CRNN: variants seen among roughly 807,000 people sequenced by gnomAD.
The protein encoded by CRNN is cornulin, also known as 53 kDa putative calcium-binding protein.
Under a neutral mutation model 44.7 loss-of-function variants are expected in CRNN, and 39 were observed. That is an observed-to-expected ratio of 0.87 (90% CI 0.68 to 1.14). CRNN has a LOEUF of 1.14. Ranked by LOEUF, CRNN falls within the 50% of genes most tolerant of loss-of-function variation. The pLI is 0.00. For missense variants in CRNN, 606 were observed against 605.1 expected (o/e 1.00, Z -0.02); for synonymous variants, 240 against 231.8 (o/e 1.04, Z -0.32).
chr1:152,411,947 C>CT lies in CRNN; in HGVS notation c.138+148dup, dbSNP rs756866886. 3.8e-4 allele frequency: 303 copies of CT among 796,240 alleles called. 1 individual carries two copies. The highest frequency in any genetic ancestry group is 3.1e-4 in the Non-Finnish European group (168 of 534,008). The allele number at this position is 796,240 out of a possible 1,614,324, so 49.3% of individuals were successfully genotyped here. ...CCATGACCATCTCTGGTTCTTTCAC[C>CT]TTTTTTTCTGCCTGCACAGCTGCCA... On this transcript the variant is annotated intron_variant, in intron 2 of 2. Coordinates refer to ENST00000271835, the MANE Select transcript of CRNN (RefSeq NM_016190.3).
rs1655725166 is a variant in CRNN, at chr1:152,410,595, A to G, written c.487T>C (p.Trp163Arg). 2.5e-6 allele frequency: 4 copies of G among 1,613,858 alleles called. No homozygotes were observed. Among genetic ancestry groups the G allele is most frequent in the Admixed American group, 3.3e-5 (2 of 59,990 alleles). The part of the protein sequence containing the change: ...QTQGQATGSA[W>R]VSSYDRQAES... The stretch of plus-strand genomic sequence containing the variant: ...GCTTGCCTGTCATAGCTGCTGACCC[A>G]CGCAGAGCCAGTGGCCTGACCCTGG... Residue 163 changes from tryptophan (W) to arginine (R), a missense_variant, in exon 3 of 3, where the codon TGG becomes CGG. Physicochemically the swap from Trp to Arg is moderately radical, Grantham distance 101. Transcript: ENST00000271835.
intron 2 of CRNN, among the ~76,000 whole-genome samples, chr1:152,411,648 T>TCTG (rs1297025307): frequency 6.6e-6 from 1 of 152,188 alleles, no homozygotes; most frequent in South Asian, 2.1e-4. Flanking sequence ...ATGTGATCAG[T>TCTG]CTGCTAATAT....
rs529044565 is a variant in CRNN at position 152,409,474 on chromosome 1, A to C, written c.*120T>G. On this transcript the variant is annotated 3_prime_UTR_variant, in exon 3 of 3. Transcript: ENST00000271835. ...ATTATCTCATTGAGAAAGACCTAAA[A>C]GGGAAGCTGCATAATGAAGAGCTGA... 2.4e-5 allele frequency: 36 copies of C among 1,490,636 alleles called. No individual in the cohort carries two copies. The African/African-American group carries it at 4.3e-4, about 18-fold the overall frequency. 92.3% of individuals were successfully genotyped at this position (1,490,636 alleles called of 1,614,324 possible).
In CRNN at chr1:152,409,597, T is replaced by C. The variant is rs1214587332; in HGVS notation, c.1485A>G (p.Pro495=). ...ELYSYLRSTK[P] ...CTGGACATTGGAGTCGGGGAAGTCA[T>C]GGCTTGGTGCTTCTCAAGTAGGAAT... Residue 495 remains proline, a synonymous_variant, in exon 3 of 3, where the codon CCA becomes CCG. Transcript: ENST00000271835. The C allele has an allele frequency of 1.2e-6, 2 of 1,607,118 alleles. No homozygotes were observed. The highest frequency in any genetic ancestry group is 2.2e-5 in the East Asian group (1 of 44,872).
In CRNN at chr1:152,409,385, G is replaced by T; in HGVS notation, c.*209C>A. On this transcript the variant is annotated 3_prime_UTR_variant, in exon 3 of 3. Coordinates refer to ENST00000271835, the MANE Select transcript of CRNN (RefSeq NM_016190.3). Reference sequence around the variant, plus strand: ...ACTTGCTCTGAGTCTTCCTGCTCCTGAGAGGGTCTGCACCGCAAAGCAGGT... The same window carrying T: ...ACTTGCTCTGAGTCTTCCTGCTCCTTAGAGGGTCTGCACCGCAAAGCAGGT... 1 of 844,492 alleles carries T rather than the reference G, an allele frequency of 1.2e-6. No homozygotes were observed. Among genetic ancestry groups the T allele is most frequent in the Non-Finnish European group, 1.8e-6 (1 of 569,126 alleles). The allele number at this position is 844,492 out of a possible 1,614,324, so 52.3% of individuals were successfully genotyped here. A position where few individuals can be genotyped will look rare whatever the true frequency, so the allele number is the denominator to read the frequency against.
At chr1:152,412,770 A>C (rs1246370497) in intron 1 of CRNN, among the ~76,000 whole-genome samples, 3 of 152,184 alleles carry the variant, frequency 2.0e-5, no homozygotes, top group Non-Finnish European at 2.9e-5. Flanking sequence ...GGCTCAGAGA[A>C]GTTAGGCCAC....
In CRNN at chr1:152,410,505, G is replaced by T; in HGVS notation, c.577C>A (p.Gln193Lys). The change falls in exon 3 of 3, where the codon CAG becomes AAG. Residue 193 changes from glutamine (Q) to lysine (K), a missense_variant. By Grantham distance (53) the Gln-to-Lys change is moderately conservative (BLOSUM62 1). Coordinates refer to ENST00000271835, the MANE Select transcript of CRNN (RefSeq NM_016190.3). ...TTCCTCTTGCCTTCTCCAGCTTTCT[G>T]GGTCTGCTCTGTCTGCCCAGAGAGT... Reference protein sequence around the residue: ...IQLSGQTEQTQKAGEGKRNQT... With the variant: ...IQLSGQTEQTKKAGEGKRNQT... 1 of 1,614,136 alleles carries T rather than the reference G, an allele frequency of 6.2e-7. No homozygotes were observed. The highest frequency in any genetic ancestry group is 8.5e-7 in the Non-Finnish European group (1 of 1,180,024).
intron 1 of CRNN, 23 bp from the exon 2 acceptor site, chr1:152,412,269 T>G: frequency 1.3e-6 from 2 of 1,590,282 alleles, no homozygotes; most frequent in Non-Finnish European, 1.7e-6. Flanking sequence ...AAAAGTTCCC[T>G]TGGAGGCTCC....
intron 2 of CRNN, 110 bp downstream of exon 2, chr1:152,411,986 G>T (rs1655783285): frequency 8.1e-7 from 1 of 1,228,622 alleles, no homozygotes; most frequent in East Asian, 2.6e-5. Context: ...GTCCCGGCAG[G>T]CCTGGGTTTA....
At position 152,410,337 on chromosome 1, in the gene CRNN, G is replaced by A; in HGVS notation, c.745C>T (p.Gln249Ter). ...GTCTGCTTGCTGGTTCTTCCTGTCTGGTGGCTGCTGTCCTGCTCCACAGTC... is the reference window on the plus strand; with the variant it reads ...GTCTGCTTGCTGGTTCTTCCTGTCTAGTGGCTGCTGTCCTGCTCCACAGTC... ...TQTVEQDSSHQTGRTSKQTQE... is the reference protein window; with the variant it reads ...TQTVEQDSSH The change falls in exon 3 of 3, where the codon CAG (glutamine) becomes TAG (stop). Residue 249 changes from glutamine (Q) to a stop codon, truncating the protein, a stop_gained. Transcript: ENST00000271835. LOFTEE classifies it high-confidence loss of function. 1 of 1,613,632 alleles carries A rather than the reference G, an allele frequency of 6.2e-7. No homozygotes were observed. Among genetic ancestry groups the A allele is most frequent in the Non-Finnish European group, 8.5e-7 (1 of 1,179,908 alleles).
chr1:152,411,063 G>A (rs1354627341), intron 2 of CRNN, 120 bp from the exon 3 acceptor site: 16 of 1,425,848 alleles, frequency 1.1e-5, no homozygotes, highest in South Asian at 3.2e-5. Flanking sequence ...CATACGGCTA[G>A]AGCAGCAGCA....
At chr1:152,412,303 TTATAG>T in intron 1 of CRNN, 57 bp from the exon 2 acceptor site, 1 of 1,513,198 alleles carries the variant, frequency 6.6e-7, no homozygotes, top group Non-Finnish European at 9.1e-7. Flanking sequence ...GCTATTTCCT[TTATAG>T]CACGTCTGCT....
At position 152,410,463 on chromosome 1, in the gene CRNN, T is replaced by C; in HGVS notation, c.619A>G (p.Arg207Gly). Residue 207 changes from arginine (R) to glycine (G), a missense_variant, in exon 3 of 3, where the codon AGG becomes GGG. Coordinates refer to ENST00000271835, the MANE Select transcript of CRNN (RefSeq NM_016190.3). Reference sequence around the variant, plus strand: ...CTGGTCTGTGGCTGTCTCTCTGGCCTCATCTCTGTTGTCTGATTCCTCTTG... The same window carrying C: ...CTGGTCTGTGGCTGTCTCTCTGGCCCCATCTCTGTTGTCTGATTCCTCTTG... ...EGKRNQTTEMRPERQPQTREQ... is the reference protein window; with the variant it reads ...EGKRNQTTEMGPERQPQTREQ... 1 of 1,614,190 alleles carries C rather than the reference T, an allele frequency of 6.2e-7. No individual in the cohort carries two copies.
intron 2 of CRNN, among the ~76,000 whole-genome samples, chr1:152,411,329 C>G (rs904070131): frequency 6.6e-6 from 1 of 152,214 alleles, no homozygotes; most frequent in Non-Finnish European, 1.5e-5. Context: ...GCACAAAGAG[C>G]AGCAGGTTGG....
In CRNN at chr1:152,409,521, G is replaced by A. The variant is rs1347336672; in HGVS notation, c.*73C>T. On this transcript the variant is annotated 3_prime_UTR_variant, in exon 3 of 3. Coordinates refer to ENST00000271835, the MANE Select transcript of CRNN (RefSeq NM_016190.3). Reference sequence around the variant, plus strand: ...CTGATGTCCAGGGATGCACCCACTGGATTGGCCATGCAGGACAAGCCAAAC... The same window carrying A: ...CTGATGTCCAGGGATGCACCCACTGAATTGGCCATGCAGGACAAGCCAAAC... 2.0e-6 allele frequency: 3 copies of A among 1,537,930 alleles called. No homozygotes were observed. In the African/African-American group the frequency reaches 4.1e-5, roughly 21 times the overall value.
Position 152,410,143 on chromosome 1 carries a change from G to A in CRNN, c.939C>T (p.Thr313=), listed in dbSNP as rs1480980147. The change falls in exon 3 of 3, where the codon ACC becomes ACT. Residue 313 remains threonine, a synonymous_variant. Transcript: ENST00000271835. ...TGGTGGACTCCTGTGTCTGGGTGCT[G>A]GTGCTTCCTGTCTGGTGGCTGCTGT... is the stretch of plus-strand genomic sequence containing the variant. ...EQDSSHQTGS[T]STQTQESTNG... 3.7e-6 allele frequency: 6 copies of A among 1,611,884 alleles called. No homozygotes were observed. The highest frequency in any genetic ancestry group is 5.1e-6 in the Non-Finnish European group (6 of 1,179,742).
Position 152,409,793 on chromosome 1 carries a change from T to C in CRNN, c.1289A>G (p.Gln430Arg). Residue 430 changes from glutamine to arginine, a missense_variant, in exon 3 of 3, where the codon CAG (glutamine) becomes CGG (arginine). Physicochemically the swap from Gln to Arg is conservative, Grantham distance 43 (BLOSUM62 1). Transcript: ENST00000271835. ...AACCACTGTGGGCTGTCTGTCTCCC[T>C]GCCCTTCTGTCACACAGCGCCTTGG... is the stretch of plus-strand genomic sequence containing the variant. ...THPRRCVTEG[Q>R]GDRQPTVVGE... 6.2e-7 allele frequency: 1 copy of C among 1,614,230 alleles called. No individual in the cohort carries two copies. The highest frequency in any genetic ancestry group is 8.5e-7 in the Non-Finnish European group (1 of 1,180,034).
At position 152,409,535 on chromosome 1, in the gene CRNN, G is replaced by A; in HGVS notation, c.*59C>T. The A allele has an allele frequency of 1.9e-6, 3 of 1,559,316 alleles. No homozygotes were observed. Among genetic ancestry groups the A allele is most frequent in the Non-Finnish European group, 2.6e-6 (3 of 1,152,156 alleles). The stretch of plus-strand genomic sequence containing the variant: ...TGCACCCACTGGATTGGCCATGCAG[G>A]ACAAGCCAAACTCTCTCCAGCTGTC... On this transcript the variant is annotated 3_prime_UTR_variant, in exon 3 of 3. Coordinates refer to ENST00000271835, the MANE Select transcript of CRNN (RefSeq NM_016190.3).
chr1:152,412,343 G>A, intron 1 of CRNN, 97 bp from the exon 2 acceptor site: 2 of 1,281,614 alleles, frequency 1.6e-6, no homozygotes, highest in Non-Finnish European at 2.2e-6. Context: ...TGCACGTTCA[G>A]CTCTGTTTTT....
Sources: allele counts gnomAD v4.1 joint callset (sites outside exome capture counted in the v4.1 genomes callset), GRCh38; gene constraint gnomAD v4.1.1; transcripts MANE v1.5; gene names NCBI Gene and HGNC (gene_info 2026-07-23, HGNC 2026-07-21).